PARD3: variants seen among roughly 807,000 people sequenced by gnomAD.
The protein encoded by PARD3 is partitioning defective 3 homolog.
A neutral mutation model predicts 155.4 loss-of-function variants in PARD3; 75 were observed. The observed-to-expected ratio is 0.48, with a 90% CI of 0.40 to 0.58. The LOEUF is 0.58. PARD3 is among the 20% of genes least tolerant of loss of function. The pLI is 0.00. For synonymous variants in PARD3, 576 were observed against 610.5 expected (o/e 0.94, Z 0.83); for missense variants, 1,642 against 1,721.7 (o/e 0.95, Z 0.82).
chr10:34,229,778 GT>G (rs773475589), intron 22 of PARD3, among the ~76,000 whole-genome samples: 3 of 151,644 alleles, frequency 2.0e-5, no homozygotes, highest in Non-Finnish European at 2.9e-5. Context: ...TGTTGTTTTT[GT>G]TACTGGGCAA....
At chr10:34,464,940 C>T (rs2077910065) in intron 4 of PARD3, among the ~76,000 whole-genome samples, 1 of 152,150 alleles carries the variant, frequency 6.6e-6, no homozygotes, top group Non-Finnish European at 1.5e-5. Context: ...GGTTCCAGAA[C>T]CCCTTGCAGA....
intron 15 of PARD3, chr10:34,345,653 G>A (rs529409098): frequency 1.0e-6 from 1 of 985,368 alleles, no homozygotes; most frequent in Non-Finnish European, 1.2e-6. Flanking sequence ...TGGAACTATG[G>A]AATTCATGAC....
chr10:34,302,716 C>T (rs1002575938), intron 20 of PARD3, among the ~76,000 whole-genome samples: 1 of 152,212 alleles, frequency 6.6e-6, no homozygotes, highest in African/African-American at 2.4e-5. Flanking sequence ...AGGTTAAATC[C>T]CACTGCTGCA....
At chr10:34,533,654 A>T (rs1040217686) in intron 2 of PARD3, among the ~76,000 whole-genome samples, 3 of 152,056 alleles carry the variant, frequency 2.0e-5, no homozygotes, top group Admixed American at 6.6e-5. Context: ...TAAAAAATAC[A>T]AAAATCAGCC....
chr10:34,577,808 T>A (rs976202668), intron 2 of PARD3, among the ~76,000 whole-genome samples: 5 of 152,086 alleles, frequency 3.3e-5, no homozygotes, highest in African/African-American at 1.2e-4. Flanking sequence ...TGACCAGGCA[T>A]AGAAATTCTT....
chr10:34,725,803 C>A (rs940171761), intron 1 of PARD3, among the ~76,000 whole-genome samples: 6 of 152,328 alleles, frequency 3.9e-5, no homozygotes, highest in African/African-American at 1.2e-4. Context: ...AGGACTGCAA[C>A]TGAACAACAA....
intron 20 of PARD3, among the ~76,000 whole-genome samples, chr10:34,306,867 A>G (rs1957437573): frequency 6.6e-6 from 1 of 151,920 alleles, no homozygotes; most frequent in South Asian, 2.1e-4. Context: ...TCCAGCATAC[A>G]CTATTCACCG....
intron 5 of PARD3, among the ~76,000 whole-genome samples, chr10:34,404,574 T>C (rs1400559853): frequency 6.6e-6 from 1 of 152,032 alleles, no homozygotes; most frequent in Non-Finnish European, 1.5e-5. Context: ...CAAAGAACTT[T>C]CAGATATGAG....
intron 2 of PARD3, among the ~76,000 whole-genome samples, chr10:34,521,528 G>C (rs941237806): frequency 6.6e-6 from 1 of 152,156 alleles, no homozygotes; most frequent in Non-Finnish European, 1.5e-5. Context: ...CCACAAAGTA[G>C]ATCATTTTGA....
At chr10:34,592,446 G>T (rs116662702) in intron 2 of PARD3, among the ~76,000 whole-genome samples, 1,785 of 152,194 alleles carry the variant, frequency 0.012, 37 homozygotes, top group African/African-American at 0.04. Flanking sequence ...CTATTGGAAG[G>T]CTCCATAGAG....
At chr10:34,630,773 G>A (rs570435265) in intron 2 of PARD3, among the ~76,000 whole-genome samples, 6 of 151,454 alleles carry the variant, frequency 4.0e-5, no homozygotes, top group Non-Finnish European at 8.8e-5. Flanking sequence ...GCTAGGAGGA[G>A]CAAACACACA....
chr10:34,539,796 C>T (rs2083475047), intron 2 of PARD3, among the ~76,000 whole-genome samples: 1 of 152,244 alleles, frequency 6.6e-6, no homozygotes, highest in Admixed American at 6.5e-5. Flanking sequence ...TCCAACTCCA[C>T]ACTCAGGGAC....
At chr10:34,606,947 CAG>C (rs1250093920) in intron 2 of PARD3, among the ~76,000 whole-genome samples, 2 of 122,860 alleles carry the variant, frequency 1.6e-5, no homozygotes, top group African/African-American at 6.2e-5. Flanking sequence ...AGCCTGGTGA[CAG>C]AGAGAGACTC....
chr10:34,724,172 G>A (rs931264121), intron 1 of PARD3, among the ~76,000 whole-genome samples: 2 of 152,164 alleles, frequency 1.3e-5, no homozygotes, highest in African/African-American at 4.8e-5. Flanking sequence ...ATGTAATCCT[G>A]AAGATTCTAT....
At chr10:34,750,485 ACACACACAC>A (rs1242644366) in intron 1 of PARD3, among the ~76,000 whole-genome samples, 4 of 143,772 alleles carry the variant, frequency 2.8e-5, no homozygotes, top group Non-Finnish European at 4.4e-5. Context: ...ACACACACAC[ACACACACAC>A]ACACACACAC....
intron 1 of PARD3, among the ~76,000 whole-genome samples, chr10:34,772,861 A>ATTT (rs1839071619): frequency 6.6e-6 from 1 of 152,146 alleles, no homozygotes; most frequent in Admixed American, 6.6e-5. Context: ...ACGGAGCAAG[A>ATTT]AAGCCTGTAA....
At chr10:34,638,043 C>G (rs2092545625) in intron 2 of PARD3, among the ~76,000 whole-genome samples, 1 of 152,158 alleles carries the variant, frequency 6.6e-6, no homozygotes, top group South Asian at 2.1e-4. Context: ...ACAATTCAGT[C>G]CACAGAATAT....
At chr10:34,273,325 A>G (rs1476406398) in intron 21 of PARD3, among the ~76,000 whole-genome samples, 1 of 152,230 alleles carries the variant, frequency 6.6e-6, no homozygotes, top group Non-Finnish European at 1.5e-5. Context: ...TGAACAAACT[A>G]CTGATACATA....
Position 34,111,328 on chromosome 10 carries a change from G to A in PARD3, c.3903C>T (p.Ser1301=), listed in dbSNP as rs375380948. The stretch of plus-strand genomic sequence containing the variant: ...ACGAGTCATAGTTGCTGGGCCCCTC[G>A]GAAGGAGGCTGCTTCTTCATCTGCT... The part of the protein sequence containing the change: ...KEQQMKKQPP[S]EGPSNYDSYK... Residue 1301 remains serine, a synonymous_variant, in exon 25 of 25, where the codon TCC becomes TCT. Coordinates refer to ENST00000374788, the MANE Select transcript of PARD3 (RefSeq NM_001184785.2). The A allele has an allele frequency of 8.6e-5, 138 of 1,613,806 alleles. No individual in the cohort carries two copies. In the South Asian group the frequency reaches 1.1e-3, roughly 12 times the overall value.
Sources: gnomAD v4.1 joint callset for allele counts (sites outside exome capture counted in the v4.1 genomes callset) on GRCh38, gnomAD v4.1.1 for gene constraint, MANE v1.5 for transcripts, NCBI Gene and HGNC (gene_info 2026-07-23, HGNC 2026-07-21) for gene names.